Variants in EIF4G3 observed in about 807,000 individuals in gnomAD.
EIF4G3 encodes eukaryotic translation initiation factor 4 gamma 3.
A neutral mutation model predicts 186.4 loss-of-function variants in EIF4G3; 34 were observed. That is an observed-to-expected ratio of 0.18 (90% CI 0.14 to 0.24). The LOEUF is 0.24. EIF4G3 is among the 10% of genes least tolerant of loss of function. The pLI, the probability that EIF4G3 is intolerant of heterozygous loss-of-function variation, is 1.00. For synonymous variants in EIF4G3, 673 were observed against 679.5 expected, an observed-to-expected ratio of 0.99 and a Z score of 0.15; for missense variants, 1,536 against 1,948.5, an observed-to-expected ratio of 0.79 and a Z score of 3.99.
At chr1:21,162,248 C>A (rs1384238065) in intron 2 of EIF4G3, among the ~76,000 whole-genome samples, 1 of 151,940 alleles carries the variant, frequency 6.6e-6, no homozygotes, top group Non-Finnish European at 1.5e-5. Context: ...GTCAGGAGTT[C>A]GAGCCCAGCC....
intron 2 of EIF4G3, among the ~76,000 whole-genome samples, chr1:21,153,451 G>A (rs1428951229): frequency 1.3e-5 from 2 of 152,178 alleles, no homozygotes; most frequent in African/African-American, 4.8e-5. Flanking sequence ...TAAGATTCTG[G>A]TTCTCTTTAT....
At chr1:21,029,048 C>G (rs1259149129) in intron 4 of EIF4G3, among the ~76,000 whole-genome samples, 1 of 152,100 alleles carries the variant, frequency 6.6e-6, no homozygotes, top group Non-Finnish European at 1.5e-5. Context: ...GCGCCTGGCC[C>G]AAACAAAGTC....
At chr1:21,114,024 T>A (rs905704228) in intron 2 of EIF4G3, among the ~76,000 whole-genome samples, 3 of 152,150 alleles carry the variant, frequency 2.0e-5, no homozygotes, top group East Asian at 1.9e-4. Flanking sequence ...TCAATTTTTT[T>A]AAATCTTATC....
chr1:20,896,484 T>C (rs1427208599), intron 16 of EIF4G3, among the ~76,000 whole-genome samples: 2 of 150,236 alleles, frequency 1.3e-5, no homozygotes, highest in African/African-American at 4.9e-5. Flanking sequence ...AAAAGAAATA[T>C]TTTTGCATAG....
intron 2 of EIF4G3, among the ~76,000 whole-genome samples, chr1:21,155,419 G>A (rs2097641291): frequency 6.6e-6 from 1 of 152,072 alleles, no homozygotes; most frequent in African/African-American, 2.4e-5. Context: ...TTCAATTCCT[G>A]ATTAGCATAT....
intron 4 of EIF4G3, among the ~76,000 whole-genome samples, chr1:21,043,965 G>A (rs555059652): frequency 1.3e-5 from 2 of 151,508 alleles, no homozygotes; most frequent in Admixed American, 1.3e-4. Flanking sequence ...TTATAAATAT[G>A]GTTGCAACTA....
intron 8 of EIF4G3, 141 bp from the exon 9 acceptor site, chr1:20,981,368 CT>C: frequency 1.6e-6 from 1 of 645,050 alleles, no homozygotes; most frequent in East Asian, 2.9e-5. Flanking sequence ...AATAAATTAC[CT>C]ATTGCTGGGT....
At chr1:20,852,641 A>G (rs2073703543) in intron 27 of EIF4G3, among the ~76,000 whole-genome samples, 1 of 152,140 alleles carries the variant, frequency 6.6e-6, no homozygotes, top group South Asian at 2.1e-4. Context: ...GCAGCAAATT[A>G]AAAGGGAAAA....
chr1:21,092,879 G>A (rs1195445687), intron 2 of EIF4G3, among the ~76,000 whole-genome samples: 3 of 152,094 alleles, frequency 2.0e-5, no homozygotes, highest in Non-Finnish European at 4.4e-5. Flanking sequence ...AACGGTGCTG[G>A]GAAAACTGGC....
chr1:20,826,128 T>G (rs1446134470), intron 32 of EIF4G3, among the ~76,000 whole-genome samples: 3 of 152,220 alleles, frequency 2.0e-5, no homozygotes, highest in African/African-American at 7.2e-5. Flanking sequence ...GGTTGTGCTG[T>G]TTCTACACAT....
intron 2 of EIF4G3, 177 bp downstream of exon 2, chr1:21,175,998 G>A: frequency 3.8e-6 from 1 of 265,244 alleles, no homozygotes; most frequent in Non-Finnish European, 7.0e-6. Flanking sequence ...GGGTCCCCCC[G>A]CAGTGCTGCT....
At chr1:20,836,786 C>G (rs910977490) in intron 30 of EIF4G3, among the ~76,000 whole-genome samples, 3 of 152,168 alleles carry the variant, frequency 2.0e-5, no homozygotes, top group African/African-American at 7.2e-5. Context: ...TGACTAACAG[C>G]AAACTGCACT....
At chr1:21,144,505 C>G (rs1474283791) in intron 2 of EIF4G3, among the ~76,000 whole-genome samples, 1 of 151,980 alleles carries the variant, frequency 6.6e-6, no homozygotes, top group East Asian at 1.9e-4. Context: ...AATCCTTCCA[C>G]CTTGGCCTCC....
intron 2 of EIF4G3, among the ~76,000 whole-genome samples, chr1:21,101,566 A>AAAAAAAAACAAC (rs1404282706): frequency 2.1e-5 from 3 of 141,980 alleles, no homozygotes; most frequent in African/African-American, 7.6e-5. Context: ...TCTCAGGAAA[A>AAAAAAAAACAAC]AAAAAAAAAC....
intron 36 of EIF4G3, among the ~76,000 whole-genome samples, chr1:20,807,778 T>C (rs2058351437): frequency 6.8e-6 from 1 of 147,132 alleles, no homozygotes; most frequent in Admixed American, 6.8e-5. Flanking sequence ...TTTTTTTTTT[T>C]TTTGAGAGAC....
At chr1:21,003,722 A>G (rs1023164445) in intron 4 of EIF4G3, 25 of 430,812 alleles carry the variant, frequency 5.8e-5, no homozygotes, top group Admixed American at 2.0e-4. Context: ...TGATCACTCC[A>G]CACTTGTTTA....
At chr1:21,019,710 C>T (rs2090185753) in intron 4 of EIF4G3, among the ~76,000 whole-genome samples, 1 of 152,090 alleles carries the variant, frequency 6.6e-6, no homozygotes, top group Admixed American at 6.6e-5. Context: ...TGGTGAAACC[C>T]TGTCTCTACT....
intron 2 of EIF4G3, among the ~76,000 whole-genome samples, chr1:21,115,859 C>G (rs2096810563): frequency 6.6e-6 from 1 of 152,036 alleles, no homozygotes; most frequent in Non-Finnish European, 1.5e-5. Flanking sequence ...TAGGAATATA[C>G]AGGTAGGGAC....
At chr1:20,856,651 A>C (rs2074994905) in intron 25 of EIF4G3, among the ~76,000 whole-genome samples, 1 of 152,226 alleles carries the variant, frequency 6.6e-6, no homozygotes, top group South Asian at 2.1e-4. Context: ...GATTTCTAGT[A>C]GGCCCTCTGT....
Sources: allele counts gnomAD v4.1 joint callset (sites outside exome capture counted in the v4.1 genomes callset), GRCh38; gene constraint gnomAD v4.1.1; transcripts MANE v1.5; gene names NCBI Gene and HGNC (gene_info 2026-07-23, HGNC 2026-07-21).